Variants in CCDC124 observed in about 807,000 individuals in gnomAD.
The protein encoded by CCDC124 is coiled-coil domain-containing protein 124.
In CCDC124, 9 loss-of-function variants were observed where a neutral mutation model predicts 19.8. The observed-to-expected ratio is 0.45, with a 90% CI of 0.27 to 0.79. CCDC124 has a LOEUF of 0.79. CCDC124 is among the 30% of genes least tolerant of loss of function. The probability of loss-of-function intolerance (pLI) is 0.14; values close to 1 mark genes in which losing one functional copy is unlikely to be tolerated. For synonymous variants in CCDC124, 126 were observed against 131.3 expected (o/e 0.96, Z 0.27); for missense variants, 285 against 319.0 (o/e 0.89, Z 0.81).
intron 1 of CCDC124, among the ~76,000 whole-genome samples, chr19:17,934,352 T>C (rs532635598): frequency 2.3e-4 from 35 of 151,424 alleles, no homozygotes; most frequent in East Asian, 1.2e-3. Context: ...TGCCACTGCA[T>C]TCCAGCCTGG....
At chr19:17,943,466 A>G in intron 4 of CCDC124, 42 bp from the exon 5 acceptor site, 1 of 1,594,884 alleles carries the variant, frequency 6.3e-7, no homozygotes, top group Middle Eastern at 1.9e-4. Context: ...TTTCGGGGCA[A>G]GGCTGCGCCC....
In CCDC124 at chr19:17,943,807, C is replaced by G; in HGVS notation, c.*92C>G. 1 of 1,305,622 alleles carries G rather than the reference C, an allele frequency of 7.7e-7. No homozygotes were observed. Among genetic ancestry groups the G allele is most frequent in the Non-Finnish European group, 1.1e-6 (1 of 938,468 alleles). The allele number at this position is 1,305,622 out of a possible 1,614,324, so 80.9% of individuals were successfully genotyped here. Reference sequence around the variant, plus strand: ...CAGGTCAGCTGCGAGGGTCACAGAGCGTTCCGGGGGCCAAGGCGCCGGGCC... The same window carrying G: ...CAGGTCAGCTGCGAGGGTCACAGAGGGTTCCGGGGGCCAAGGCGCCGGGCC... On this transcript the variant is annotated 3_prime_UTR_variant, in exon 5 of 5. Transcript: ENST00000445755.
At chr19:17,935,620 C>T (rs1393636770) in intron 1 of CCDC124, among the ~76,000 whole-genome samples, 1 of 151,994 alleles carries the variant, frequency 6.6e-6, no homozygotes, top group Admixed American at 6.6e-5. Flanking sequence ...CTCACTCTGC[C>T]GCCTAGGCTG....
In CCDC124 at chr19:17,942,985, T is replaced by C. The variant is rs2031220680; in HGVS notation, c.349+140T>C. ...CAGGGTGGGTGGGTAGGCCGCCTCC[T>C]GGTAGGCCTGGCCGTGAGCAGACAA... On this transcript the variant is annotated intron_variant, in intron 3 of 4. Coordinates refer to ENST00000445755, the MANE Select transcript of CCDC124 (RefSeq NM_001136203.2). This position sits in a 1 kb window ranked among gnomAD's most constrained non-coding sequence, Gnocchi z 4.2. The C allele has an allele frequency of 9.6e-7, 1 of 1,036,600 alleles. No individual in the cohort carries two copies. Among genetic ancestry groups the C allele is most frequent in the Admixed American group, 2.8e-5 (1 of 35,178 alleles). The allele number at this position is 1,036,600 out of a possible 1,614,324, so 64.2% of individuals were successfully genotyped here.
At chr19:17,939,637 T>C (rs552398175) in intron 2 of CCDC124, among the ~76,000 whole-genome samples, 27 of 152,020 alleles carry the variant, frequency 1.8e-4, no homozygotes, top group African/African-American at 5.8e-4. Context: ...GGCTTTTTTT[T>C]TTTGAGGCAG....
Position 17,943,241 on chromosome 19 carries a change from T to TCGGGGGGGGCCCCCC in CCDC124, c.350-19_350-18insGGGGGGGGCCCCCCC. The TCGGGGGGGGCCCCCC allele has an allele frequency of 1.8e-5, 13 of 736,676 alleles. No homozygotes were observed. Among genetic ancestry groups the TCGGGGGGGGCCCCCC allele is most frequent in the Non-Finnish European group, 2.9e-5 (12 of 414,968 alleles). 45.6% of individuals were successfully genotyped at this position (736,676 alleles called of 1,614,324 possible). On this transcript the variant is annotated intron_variant, in intron 3 of 4. Coordinates refer to ENST00000445755, the MANE Select transcript of CCDC124 (RefSeq NM_001136203.2). ...CTTTGCTTATCTCTCTCTGTCTCTG[T>TCGGGGGGGGCCCCCC]CACCCACCCACCCGCCCAGCCGAGA...
At chr19:17,936,762 C>G in intron 2 of CCDC124, 183 bp downstream of exon 2, 1 of 647,142 alleles carries the variant, frequency 1.5e-6, no homozygotes, top group Non-Finnish European at 2.5e-6. Context: ...AGGCAGATCA[C>G]CTGGGGTCAG....
In CCDC124 at chr19:17,942,978, C is replaced by G; in HGVS notation, c.349+133C>G. On this transcript the variant is annotated intron_variant, in intron 3 of 4. Transcript: ENST00000445755. This position sits in a 1 kb window ranked among gnomAD's most constrained non-coding sequence, Gnocchi z 4.2. ...CGTGGTGCAGGGTGGGTGGGTAGGC[C>G]GCCTCCTGGTAGGCCTGGCCGTGAG... 1 of 1,120,780 alleles carries G rather than the reference C, an allele frequency of 8.9e-7. No individual in the cohort carries two copies. The allele number at this position is 1,120,780 out of a possible 1,614,324, so 69.4% of individuals were successfully genotyped here.
At chr19:17,934,095 A>T (rs2031007144) in intron 1 of CCDC124, among the ~76,000 whole-genome samples, 1 of 149,008 alleles carries the variant, frequency 6.7e-6, no homozygotes, top group African/African-American at 2.6e-5. Context: ...AGGCCGAGGC[A>T]AGCGGATCAC....
chr19:17,936,147 C>T (rs548122125), intron 1 of CCDC124: 51 of 325,838 alleles, frequency 1.6e-4, no homozygotes, highest in South Asian at 7.2e-4. Context: ...GCAAGTGATC[C>T]GCCCGCCTCG....
intron 2 of CCDC124, among the ~76,000 whole-genome samples, chr19:17,938,068 G>T (rs917654628): frequency 1.3e-5 from 2 of 152,144 alleles, no homozygotes; most frequent in African/African-American, 4.8e-5. Flanking sequence ...CGTTTGGCGT[G>T]GTAGCTCATG....
chr19:17,934,575 C>CA (rs2029954984), intron 1 of CCDC124, among the ~76,000 whole-genome samples: 1 of 149,250 alleles, frequency 6.7e-6, no homozygotes, highest in African/African-American at 2.5e-5. Flanking sequence ...CACTTGAGCC[C>CA]AGGAGTTCAA....
chr19:17,934,694 G>A (rs1399487249), intron 1 of CCDC124, among the ~76,000 whole-genome samples: 1 of 150,322 alleles, frequency 6.7e-6, no homozygotes, highest in East Asian at 2.0e-4. Flanking sequence ...CAGGTGGGAG[G>A]ATCACTTGAG....
chr19:17,937,543 G>GA (rs1277566155), intron 2 of CCDC124, among the ~76,000 whole-genome samples: 1 of 152,104 alleles, frequency 6.6e-6, no homozygotes, highest in Admixed American at 6.6e-5. Flanking sequence ...AACTCGGGGA[G>GA]AGGGGGTGTT....
intron 1 of CCDC124, chr19:17,934,986 G>A (rs2147777723): frequency 6.6e-6 from 1 of 151,590 alleles, no homozygotes; most frequent in East Asian, 1.9e-4. Flanking sequence ...CACAATCATA[G>A]CTCACTGTGG....
Position 17,942,757 on chromosome 19 carries a change from G to A in CCDC124, c.261G>A (p.Pro87=), listed in dbSNP as rs1240556702. The A allele has an allele frequency of 2.6e-6, 4 of 1,548,730 alleles. No individual in the cohort carries two copies. Among genetic ancestry groups the A allele is most frequent in the African/African-American group, 2.7e-5 (2 of 73,156 alleles). The change falls in exon 3 of 5, where the codon CCG becomes CCA. Residue 87 remains proline, a synonymous_variant. Transcript: ENST00000445755. This position sits in a 1 kb window ranked among gnomAD's most constrained non-coding sequence, Gnocchi z 4.2. ...EDSKLKGGKA[P]RVATSSKVTR... ...CCAAGCTCAAGGGCGGCAAGGCGCC[G>A]CGGGTGGCCACGTCCAGCAAGGTCA...
At chr19:17,934,817 T>C (rs972818048) in intron 1 of CCDC124, among the ~76,000 whole-genome samples, 33 of 151,982 alleles carry the variant, frequency 2.2e-4, no homozygotes, top group African/African-American at 7.7e-4. Flanking sequence ...TCACACTGTG[T>C]GGCCTTTTGT....
chr19:17,934,350 C>T (rs1221517834), intron 1 of CCDC124, among the ~76,000 whole-genome samples: 1 of 151,876 alleles, frequency 6.6e-6, no homozygotes, highest in Non-Finnish European at 1.5e-5. Flanking sequence ...TGTGCCACTG[C>T]ATTCCAGCCT....
Position 17,942,033 on chromosome 19 carries a change from C to A in CCDC124, c.160-623C>A, listed in dbSNP as rs899574682. On this transcript the variant is annotated intron_variant, in intron 2 of 4. Transcript: ENST00000445755. This position sits in a 1 kb window ranked among gnomAD's most constrained non-coding sequence, Gnocchi z 4.2. ...TGCAGGCCAGGGCAAGGGCAAGTCC[C>A]GTAGCCCAGATGTCCCTCATCCAGC... Among the ~76,000 whole-genome samples, 1 of 152,130 alleles carries A rather than the reference C, an allele frequency of 6.6e-6. No homozygotes were observed. The highest frequency in any genetic ancestry group is 2.4e-5 in the African/African-American group (1 of 41,424).
Sources: allele counts gnomAD v4.1 joint callset (sites outside exome capture counted in the v4.1 genomes callset), GRCh38; gene constraint gnomAD v4.1.1; non-coding constraint Gnocchi (gnomAD v3.1); transcripts MANE v1.5; gene names NCBI Gene and HGNC (gene_info 2026-07-23, HGNC 2026-07-21).